The following BAZ2B variants were observed in gnomAD, a reference collection of about 807,000 sequenced individuals.
The protein encoded by BAZ2B is bromodomain adjacent to zinc finger domain 2B.
Under a neutral mutation model 246.0 loss-of-function variants are expected in BAZ2B, and 91 were observed. That is an observed-to-expected ratio of 0.37 (90% CI 0.31 to 0.44). The LOEUF (loss-of-function observed/expected upper bound fraction) is 0.44. Among genes scored for constraint, BAZ2B ranks in the 20% least tolerant of loss-of-function variants. BAZ2B has a pLI of 1.00. For synonymous variants in BAZ2B, 855 were observed against 860.0 expected, an observed-to-expected ratio of 0.99 and a Z score of 0.10; for missense variants, 2,332 against 2,533.7, an observed-to-expected ratio of 0.92 and a Z score of 1.71.
At chr2:159,598,017 C>T (rs757001753) in intron 1 of BAZ2B, among the ~76,000 whole-genome samples, 3 of 147,810 alleles carry the variant, frequency 2.0e-5, no homozygotes, top group African/African-American at 5.0e-5. Flanking sequence ...TTTTCTGAGA[C>T]GGAGTCTCGC....
intron 13 of BAZ2B, among the ~76,000 whole-genome samples, chr2:159,413,110 G>C (rs532347903): frequency 2.0e-5 from 3 of 152,304 alleles, no homozygotes; most frequent in Middle Eastern, 3.4e-3. Flanking sequence ...TCAGCCTCCT[G>C]ATGGAGGCTC....
At chr2:159,696,717 G>A in the BAZ2B span, among the ~76,000 whole-genome samples, 44,453 of 152,116 alleles carry the variant, frequency 0.29, 7,597 homozygotes, top group South Asian at 0.46. Flanking sequence ...TCTACTTACA[G>A]ATAATTTGAA....
intron 3 of BAZ2B, among the ~76,000 whole-genome samples, chr2:159,454,204 T>C (rs909490293): frequency 6.6e-6 from 1 of 152,114 alleles, no homozygotes; most frequent in African/African-American, 2.4e-5. Flanking sequence ...GCCACTGAAA[T>C]AAGTCCAGGA....
chr2:159,389,664 T>C (rs891092974), intron 20 of BAZ2B, among the ~76,000 whole-genome samples, 179 bp from the exon 21 acceptor site: 7 of 152,166 alleles, frequency 4.6e-5, no homozygotes, highest in African/African-American at 1.7e-4. Context: ...CTAGACTATT[T>C]TGTTATTCAA....
intron 13 of BAZ2B, among the ~76,000 whole-genome samples, chr2:159,424,545 A>G (rs1335841347): frequency 3.9e-5 from 6 of 152,224 alleles, no homozygotes; most frequent in Non-Finnish European, 8.8e-5. Flanking sequence ...TGTGTTAAGT[A>G]AAATTAGAAC....
intron 3 of BAZ2B, chr2:159,463,028 TA>T: frequency 2.7e-6 from 2 of 743,540 alleles, no homozygotes; most frequent in Non-Finnish European, 4.9e-6. Context: ...CCATGCTCTG[TA>T]ATTATGACCT....
At chr2:159,453,026 G>C (rs2075290838) in intron 4 of BAZ2B, among the ~76,000 whole-genome samples, 1 of 152,200 alleles carries the variant, frequency 6.6e-6, no homozygotes, top group Non-Finnish European at 1.5e-5. Context: ...CTTGAACCTA[G>C]AAGGCGGAGG....
At chr2:159,670,856 T>C in the BAZ2B span, 1 of 152,330 alleles carries the variant, frequency 6.6e-6, no homozygotes, top group South Asian at 2.1e-4. Context: ...TAAAATTGTC[T>C]TAATTTTGCC....
intron 16 of BAZ2B, among the ~76,000 whole-genome samples, chr2:159,400,918 C>G (rs1256789148): frequency 3.9e-5 from 6 of 152,078 alleles, no homozygotes; most frequent in Non-Finnish European, 7.4e-5. Context: ...GTGGCGGGCA[C>G]CTGTAGTCCC....
At chr2:159,659,300 C>G in the BAZ2B span, among the ~76,000 whole-genome samples, 1 of 152,206 alleles carries the variant, frequency 6.6e-6, no homozygotes, top group South Asian at 2.1e-4. Context: ...ATTTCTACCA[C>G]TTGCCAATTA....
chr2:159,663,409 G>C, the BAZ2B span, among the ~76,000 whole-genome samples: 1 of 151,396 alleles, frequency 6.6e-6, no homozygotes. Context: ...CACTATGTTG[G>C]TCAGGCTGGT....
intron 3 of BAZ2B, among the ~76,000 whole-genome samples, chr2:159,476,444 T>C (rs1300840989): frequency 6.6e-6 from 1 of 152,104 alleles, no homozygotes; most frequent in African/African-American, 2.4e-5. Context: ...AACGCATCCC[T>C]TTCTAGACAA....
chr2:159,706,289 A>C, the BAZ2B span, among the ~76,000 whole-genome samples: 5 of 152,230 alleles, frequency 3.3e-5, no homozygotes, highest in African/African-American at 1.2e-4. Context: ...CTACACTAAA[A>C]TAGTAGGTAT....
chr2:159,391,324 C>T (rs2063308172), intron 20 of BAZ2B, among the ~76,000 whole-genome samples: 1 of 152,082 alleles, frequency 6.6e-6, no homozygotes. Context: ...AGTCTATATA[C>T]CATCTAAGGT....
chr2:159,539,765 C>T (rs1369428248), intron 2 of BAZ2B, among the ~76,000 whole-genome samples: 1 of 152,206 alleles, frequency 6.6e-6, no homozygotes, highest in Non-Finnish European at 1.5e-5. Context: ...CTTCTCTTCA[C>T]ATTAGAAAGA....
At chr2:159,637,714 T>C in the BAZ2B span, among the ~76,000 whole-genome samples, 1 of 152,058 alleles carries the variant, frequency 6.6e-6, no homozygotes, top group Non-Finnish European at 1.5e-5. Context: ...CACACCACCA[T>C]GCCCGAGTAA....
intron 29 of BAZ2B, 82 bp downstream of exon 29, chr2:159,348,925 A>G: frequency 6.4e-7 from 1 of 1,553,966 alleles, no homozygotes; most frequent in Non-Finnish European, 8.7e-7. Context: ...TATATATAGA[A>G]CCATCAAATA....
At chr2:159,559,323 C>T (rs1354924833) in intron 1 of BAZ2B, among the ~76,000 whole-genome samples, 2 of 151,920 alleles carry the variant, frequency 1.3e-5, no homozygotes, top group Non-Finnish European at 2.9e-5. Flanking sequence ...GACCTACCTG[C>T]CTAACATTAA....
intron 21 of BAZ2B, 82 bp from the exon 22 acceptor site, chr2:159,386,689 T>C: frequency 7.1e-7 from 1 of 1,404,130 alleles, no homozygotes; most frequent in Non-Finnish European, 9.5e-7. Context: ...TAAAGTAAAA[T>C]AAGCTGCTAC....
Sources: gnomAD v4.1 joint callset for allele counts (sites outside exome capture counted in the v4.1 genomes callset) on GRCh38, gnomAD v4.1.1 for gene constraint, MANE v1.5 for transcripts, NCBI Gene and HGNC (gene_info 2026-07-23, HGNC 2026-07-21) for gene names.